Variants in DIAPH3 observed in about 807,000 individuals in gnomAD.
DIAPH3 encodes protein diaphanous homolog 3.
DIAPH3 carries 117 observed loss-of-function variants against 144.3 expected under a neutral mutation model. The ratio of observed to expected loss-of-function variants is 0.81; its 90% CI spans 0.70 to 0.95. The LOEUF (loss-of-function observed/expected upper bound fraction) is 0.95, where lower values mean the gene tolerates loss of function less well. Among genes scored for constraint, DIAPH3 ranks in the 40% least tolerant of loss-of-function variants. The pLI, the probability that DIAPH3 is intolerant of heterozygous loss-of-function variation, is 0.00. For synonymous variants in DIAPH3, 519 were observed against 488.9 expected (o/e 1.06, Z -0.81); for missense variants, 1,421 against 1,412.7 (o/e 1.01, Z -0.09).
At chr13:60,032,292 C>T (rs1194610102) in intron 5 of DIAPH3, among the ~76,000 whole-genome samples, 1 of 152,152 alleles carries the variant, frequency 6.6e-6, no homozygotes, top group Non-Finnish European at 1.5e-5. Context: ...TAGGTAGTGC[C>T]CCACTGGGGA....
intron 24 of DIAPH3, 47 bp from the exon 25 acceptor site, chr13:59,810,970 C>T (rs745458283): frequency 5.2e-6 from 8 of 1,530,264 alleles, no homozygotes; most frequent in East Asian, 2.3e-5. Context: ...TGATTCATCC[C>T]GCAAAATGGA....
At chr13:60,008,440 G>T in intron 9 of DIAPH3, 104 bp downstream of exon 9, 1 of 715,822 alleles carries the variant, frequency 1.4e-6, no homozygotes, top group Non-Finnish European at 2.5e-6. Flanking sequence ...ATATTAAAAG[G>T]CATGCAGAGC....
intron 18 of DIAPH3, among the ~76,000 whole-genome samples, chr13:59,919,105 C>T (rs1048255847): frequency 2.6e-5 from 4 of 151,580 alleles, no homozygotes; most frequent in African/African-American, 9.7e-5. Flanking sequence ...AACTTAAAGA[C>T]AGTTTATTTA....
chr13:60,077,783 C>G (rs1328759035), intron 4 of DIAPH3, among the ~76,000 whole-genome samples: 2 of 152,058 alleles, frequency 1.3e-5, no homozygotes, highest in Non-Finnish European at 2.9e-5. Context: ...TTAAAGAAAG[C>G]ACATGATGCT....
At chr13:59,752,812 G>A (rs934106369) in intron 27 of DIAPH3, among the ~76,000 whole-genome samples, 8 of 152,270 alleles carry the variant, frequency 5.3e-5, no homozygotes, top group African/African-American at 1.9e-4. Flanking sequence ...ATTATCTGGG[G>A]ATGTGGGTAA....
intron 19 of DIAPH3, among the ~76,000 whole-genome samples, chr13:59,913,769 C>G (rs1394284032): frequency 2.6e-5 from 4 of 152,010 alleles, no homozygotes; most frequent in Non-Finnish European, 5.9e-5. Context: ...ACCAGCCTGG[C>G]CAACATGGTG....
chr13:59,858,557 T>C (rs770434776), intron 22 of DIAPH3, among the ~76,000 whole-genome samples: 3 of 152,200 alleles, frequency 2.0e-5, no homozygotes, highest in African/African-American at 4.8e-5. Context: ...CAAGGTGATG[T>C]TGTAAACTTA....
At chr13:59,720,012 G>A (rs1301550054) in intron 27 of DIAPH3, among the ~76,000 whole-genome samples, 2 of 152,144 alleles carry the variant, frequency 1.3e-5, no homozygotes, top group Admixed American at 6.5e-5. Flanking sequence ...TGTATAGCTG[G>A]AGGACAATGG....
At chr13:59,709,571 C>A (rs1269958809) in intron 27 of DIAPH3, among the ~76,000 whole-genome samples, 1 of 152,178 alleles carries the variant, frequency 6.6e-6, no homozygotes, top group Non-Finnish European at 1.5e-5. Context: ...GTTAGAATGG[C>A]AATCATTAAA....
chr13:59,789,280 C>T (rs2039206676), intron 25 of DIAPH3, among the ~76,000 whole-genome samples: 1 of 152,162 alleles, frequency 6.6e-6, no homozygotes, highest in Admixed American at 6.5e-5. Flanking sequence ...TTACATGGCA[C>T]AGCACCTCCA....
At chr13:59,802,671 T>TTA (rs2039990505) in intron 25 of DIAPH3, among the ~76,000 whole-genome samples, 1 of 52,996 alleles carries the variant, frequency 1.9e-5, no homozygotes, top group African/African-American at 6.6e-5. Context: ...ATTATTATTT[T>TTA]TTTTTTTTTT....
chr13:59,935,706 C>A (rs1218752603), intron 17 of DIAPH3, among the ~76,000 whole-genome samples: 1 of 152,068 alleles, frequency 6.6e-6, no homozygotes, highest in African/African-American at 2.4e-5. Flanking sequence ...TATTTCTAGG[C>A]ACATAAATAA....
At chr13:60,013,213 T>C (rs339532) in intron 7 of DIAPH3, 562,420 of 984,076 alleles carry the variant, frequency 0.57, 162,030 homozygotes, top group African/African-American at 0.63. Context: ...AGGTTCCGCC[T>C]GCATTCCACA....
intron 25 of DIAPH3, among the ~76,000 whole-genome samples, chr13:59,789,913 A>T (rs79636238): frequency 0.021 from 3,233 of 152,274 alleles, 86 homozygotes; most frequent in East Asian, 0.12. Context: ...AGAACATGAA[A>T]ATCAGGTTTT....
chr13:59,891,362 T>G (rs964053112), intron 20 of DIAPH3, among the ~76,000 whole-genome samples: 3 of 151,934 alleles, frequency 2.0e-5, no homozygotes, highest in Admixed American at 2.0e-4. Flanking sequence ...ATTAAGCAGA[T>G]TGTGCCATAA....
At chr13:59,762,631 GTGTC>G (rs2037662175) in intron 27 of DIAPH3, among the ~76,000 whole-genome samples, 1 of 149,472 alleles carries the variant, frequency 6.7e-6, no homozygotes, top group South Asian at 2.1e-4. Flanking sequence ...TTTTTTTTTA[GTGTC>G]TATCATTATG....
chr13:59,955,057 T>G (rs1031259465), intron 17 of DIAPH3, among the ~76,000 whole-genome samples: 1 of 143,814 alleles, frequency 7.0e-6, no homozygotes, highest in African/African-American at 2.6e-5. Context: ...TTATGGAATA[T>G]TCTTTCATAT....
At chr13:60,067,227 G>A (rs1304310395) in intron 4 of DIAPH3, among the ~76,000 whole-genome samples, 1 of 151,928 alleles carries the variant, frequency 6.6e-6, no homozygotes, top group Admixed American at 6.6e-5. Context: ...TGAGGCTGCA[G>A]TAAGCCATGA....
intron 22 of DIAPH3, among the ~76,000 whole-genome samples, chr13:59,861,036 G>A (rs2043547842): frequency 6.6e-6 from 1 of 152,092 alleles, no homozygotes; most frequent in South Asian, 2.1e-4. Flanking sequence ...ACTGATTGCT[G>A]GTTCTGGTAT....
Sources: gnomAD v4.1 joint callset for allele counts (sites outside exome capture counted in the v4.1 genomes callset) on GRCh38, gnomAD v4.1.1 for gene constraint, MANE v1.5 for transcripts, NCBI Gene and HGNC (gene_info 2026-07-23, HGNC 2026-07-21) for gene names.